DMC1: variants seen among roughly 807,000 people sequenced by gnomAD.
DMC1 encodes the protein DNA meiotic recombinase 1, also known as meiotic recombination protein DMC1 homolog.
A neutral mutation model predicts 50.1 loss-of-function variants in DMC1; 27 were observed. The observed-to-expected ratio is 0.54, with a 90% confidence interval of 0.40 to 0.74. The LOEUF is 0.74. Among genes scored for constraint, DMC1 ranks in the 30% least tolerant of loss-of-function variants. The probability of loss-of-function intolerance (pLI) is 0.00; values close to 1 mark genes in which losing one functional copy is unlikely to be tolerated. For synonymous variants in DMC1, 148 were observed against 136.1 expected (o/e 1.09, Z -0.61); for missense variants, 295 against 420.2 (o/e 0.70, Z 2.60).
At chr22:38,520,165 AT>A in intron 13 of DMC1, 76 bp from the exon 14 acceptor site, 1 of 1,237,294 alleles carries the variant, frequency 8.1e-7, no homozygotes, top group Non-Finnish European at 1.2e-6. Context: ...CACAGGCATT[AT>A]GTGCCCATCA....
chr22:38,558,322 GT>G (rs1356183090), intron 5 of DMC1, among the ~76,000 whole-genome samples: 1 of 151,974 alleles, frequency 6.6e-6, no homozygotes, highest in African/African-American at 2.4e-5. Context: ...ATTTAATCTT[GT>G]TATAAAAGCA....
chr22:38,509,838 TA>T, the DMC1 span, among the ~76,000 whole-genome samples: 8 of 152,134 alleles, frequency 5.3e-5, no homozygotes, highest in Non-Finnish European at 7.3e-5. Context: ...CTAATTTTTA[TA>T]TTTTTTAGTA....
intron 13 of DMC1, among the ~76,000 whole-genome samples, chr22:38,520,882 G>T (rs1186056924): frequency 5.7e-5 from 8 of 141,064 alleles, no homozygotes; most frequent in South Asian, 2.2e-4. Flanking sequence ...TTTTGTTTTT[G>T]TTTTTTTTTT....
At chr22:38,526,478 G>GC (rs2090090855) in intron 12 of DMC1, among the ~76,000 whole-genome samples, 1 of 152,080 alleles carries the variant, frequency 6.6e-6, no homozygotes, top group Non-Finnish European at 1.5e-5. Flanking sequence ...AAAGTGCTGG[G>GC]ATTACAGGCG....
rs767538617 is a variant in DMC1 at position 38,556,835 on chromosome 22, A to G, written c.327-1426T>C. ...CATTTACATTTACATAGTTTAAGAGAGCAATTTAAATGTAAATTGAAACAA... is the reference window on the plus strand; with the variant it reads ...CATTTACATTTACATAGTTTAAGAGGGCAATTTAAATGTAAATTGAAACAA... On this transcript the variant is annotated intron_variant, in intron 5 of 13. Transcript: ENST00000216024. Among the ~76,000 whole-genome samples the G allele has an allele frequency of 7.2e-5, 11 of 152,212 alleles. 1 individual carries two copies. Among genetic ancestry groups the G allele is most frequent in the Admixed American group, 7.2e-4 (11 of 15,280 alleles).
intron 12 of DMC1, among the ~76,000 whole-genome samples, chr22:38,533,083 G>C (rs2090170672): frequency 6.6e-6 from 1 of 151,870 alleles, no homozygotes; most frequent in Non-Finnish European, 1.5e-5. Flanking sequence ...TTGTAACTAA[G>C]TAGAAAATAC....
At chr22:38,537,265 G>C (rs1369952047) in intron 12 of DMC1, among the ~76,000 whole-genome samples, 2 of 151,916 alleles carry the variant, frequency 1.3e-5, no homozygotes, top group Non-Finnish European at 2.9e-5. Context: ...CCAGACAGGA[G>C]TACAATGGCG....
intron 12 of DMC1, among the ~76,000 whole-genome samples, chr22:38,527,431 C>A (rs527487273): frequency 6.6e-6 from 1 of 151,932 alleles, no homozygotes; most frequent in Admixed American, 6.6e-5. Context: ...TCTTGAACTC[C>A]CGACCTCAAG....
rs1041600469 is a variant in DMC1 at position 38,521,633 on chromosome 22, G to A, written c.928C>T (p.Leu310Phe). The stretch of plus-strand genomic sequence containing the variant: ...CTGTCATAAATCTTGGCAATTCTGA[G>A]CTCTCCTCTTCCCTTTCGCAAGCTT... ...RISLRKGRGE[L>F]RIAKIYDSPE... The change falls in exon 13 of 14, where the codon CTC becomes TTC. Residue 310 changes from leucine to phenylalanine, a missense_variant. By Grantham distance (22) the Leu-to-Phe change is conservative. Transcript: ENST00000216024. The A allele has an allele frequency of 8.1e-6, 13 of 1,612,244 alleles. No individual in the cohort carries two copies. In the African/African-American group the frequency reaches 1.6e-4, roughly 20 times the overall value.
chr22:38,552,189 G>T (rs2090420954), intron 7 of DMC1, among the ~76,000 whole-genome samples: 1 of 152,088 alleles, frequency 6.6e-6, no homozygotes. Context: ...ACTTTGCCAA[G>T]TTCCTTCTCC....
At chr22:38,526,210 AT>A (rs951198000) in intron 12 of DMC1, among the ~76,000 whole-genome samples, 131 of 145,846 alleles carry the variant, frequency 9.0e-4, no homozygotes, top group Middle Eastern at 3.6e-3. Context: ...AAATTTATGG[AT>A]TTTTTTTTTT....
At chr22:38,543,688 C>T (rs2145893470) in intron 8 of DMC1, among the ~76,000 whole-genome samples, 1 of 152,272 alleles carries the variant, frequency 6.6e-6, no homozygotes, top group East Asian at 1.9e-4. Context: ...CCTTTTCCAT[C>T]AGTTCTAATC....
intron 12 of DMC1, among the ~76,000 whole-genome samples, chr22:38,527,516 CT>C (rs891065117): frequency 0.011 from 1,434 of 127,268 alleles, 7 homozygotes; most frequent in South Asian, 0.044. Context: ...CCTTTTTCTC[CT>C]TTTTTTTTTT....
intron 13 of DMC1, 56 bp from the exon 14 acceptor site, chr22:38,520,145 A>G (rs2090008681): frequency 1.4e-6 from 2 of 1,400,006 alleles, no homozygotes; most frequent in African/African-American, 1.4e-5. Flanking sequence ...TATAAATACT[A>G]TATTCATGTC....
intron 4 of DMC1, among the ~76,000 whole-genome samples, chr22:38,563,762 C>T (rs1285140741): frequency 1.3e-5 from 2 of 151,414 alleles, no homozygotes; most frequent in East Asian, 2.0e-4. Context: ...TGCAGTGGCG[C>T]GATCTCAGCT....
chr22:38,566,533 T>C (rs181049012), intron 4 of DMC1, 57 bp downstream of exon 4: 1 of 1,595,892 alleles, frequency 6.3e-7, no homozygotes, highest in Non-Finnish European at 8.6e-7. Context: ...TGAGAAAGCC[T>C]ATAAAGATTC....
At chr22:38,510,540 A>G in the DMC1 span, among the ~76,000 whole-genome samples, 1 of 152,200 alleles carries the variant, frequency 6.6e-6, no homozygotes, top group Non-Finnish European at 1.5e-5. Flanking sequence ...ACTTACAAGT[A>G]TATCCTGCCA....
chr22:38,550,528 G>A (rs2090392363), intron 7 of DMC1, among the ~76,000 whole-genome samples: 1 of 150,538 alleles, frequency 6.6e-6, no homozygotes, highest in Non-Finnish European at 1.5e-5. Flanking sequence ...TGGCCAGGAT[G>A]GTCTTGATCT....
intron 12 of DMC1, among the ~76,000 whole-genome samples, chr22:38,534,119 G>A (rs572889349): frequency 1.2e-4 from 18 of 152,246 alleles, no homozygotes; most frequent in African/African-American, 2.6e-4. Flanking sequence ...ACAATTACAC[G>A]CAGTGCATGT....
Sources: allele counts gnomAD v4.1 joint callset (sites outside exome capture counted in the v4.1 genomes callset), GRCh38; gene constraint gnomAD v4.1.1; transcripts MANE v1.5; gene names NCBI Gene and HGNC (gene_info 2026-07-23, HGNC 2026-07-21).